The following GLT1D1 variants were observed in gnomAD, a reference collection of about 807,000 sequenced individuals.
GLT1D1 encodes the protein glycosyltransferase 1 domain-containing protein 1.
A neutral mutation model predicts 28.7 loss-of-function variants in GLT1D1; 21 were observed. That is an observed-to-expected ratio of 0.73 (90% CI 0.52 to 1.05). GLT1D1 has a LOEUF of 1.05. GLT1D1 is among the 50% of genes least tolerant of loss of function. The pLI is 0.00. For synonymous variants in GLT1D1, 147 were observed against 124.8 expected (o/e 1.18, Z -1.19); for missense variants, 343 against 330.6 (o/e 1.04, Z -0.29).
rs576547710 is a variant in GLT1D1, at chr12:128,983,270, G to T, written c.*180G>T. On this transcript the variant is annotated 3_prime_UTR_variant, in exon 8 of 8. Transcript: ENST00000281703. The surrounding 1 kb of genome is among the most constrained non-coding windows in gnomAD (Gnocchi z 4.7). Reference sequence around the variant, plus strand: ...GCATTCATCCCATATCCTTCTGTGCGTTCAGATGCTGTCCCAGGCGTGTTC... The same window carrying T: ...GCATTCATCCCATATCCTTCTGTGCTTTCAGATGCTGTCCCAGGCGTGTTC... 1.9e-5 allele frequency: 11 copies of T among 588,508 alleles called. No individual in the cohort carries two copies. Among genetic ancestry groups the T allele is most frequent in the African/African-American group, 1.7e-4 (9 of 53,780 alleles). The allele number at this position is 588,508 out of a possible 1,614,324, so 36.5% of individuals were successfully genotyped here.
At position 128,917,674 on chromosome 12, in the gene GLT1D1, G is replaced by C. The variant is rs570881106; in HGVS notation, c.375+18387G>C. On this transcript the variant is annotated intron_variant, in intron 4 of 7. Coordinates refer to ENST00000281703, the MANE Select transcript of GLT1D1 (RefSeq NM_144669.3). ...ACCCCAAGTCTGTTTTCATGCTAAA[G>C]ACTTGAAACAAGAAGACATACATGC... is the stretch of plus-strand genomic sequence containing the variant. Among the ~76,000 whole-genome samples, 245 of 152,312 alleles carry C rather than the reference G, an allele frequency of 1.6e-3. 11 individuals carry two copies. In the South Asian group the frequency reaches 0.045, roughly 28 times the overall value.
chr12:128,920,021 C>T (rs1179498637), intron 4 of GLT1D1, among the ~76,000 whole-genome samples: 1 of 134,252 alleles, frequency 7.4e-6, no homozygotes, highest in Non-Finnish European at 1.6e-5. Context: ...ATCTCTCTGT[C>T]AACTCTATTT....
intron 4 of GLT1D1, among the ~76,000 whole-genome samples, chr12:128,920,999 A>T (rs920381576): frequency 1.3e-5 from 2 of 152,178 alleles, no homozygotes; most frequent in Non-Finnish European, 2.9e-5. Flanking sequence ...AATTTATACC[A>T]CCTTAAAGCT....
At chr12:128,972,218 G>C (rs149656507) in intron 7 of GLT1D1, among the ~76,000 whole-genome samples, 1 of 152,180 alleles carries the variant, frequency 6.6e-6, no homozygotes, top group Non-Finnish European at 1.5e-5. Context: ...ATTATTTCTC[G>C]CTCTTCTGGA....
At chr12:128,955,948 G>A (rs1274755301) in intron 6 of GLT1D1, among the ~76,000 whole-genome samples, 1 of 151,664 alleles carries the variant, frequency 6.6e-6, no homozygotes, top group Non-Finnish European at 1.5e-5. Flanking sequence ...CCCATCACAA[G>A]TTGAAAATAC....
Position 128,980,989 on chromosome 12 carries a change from C to T in GLT1D1, c.640-1940C>T, listed in dbSNP as rs192425335. ...CACATGGATTTCTCACGTCTACAGG[C>T]GCGTGTCCAGCAGATTCCCGATGCA... On this transcript the variant is annotated intron_variant, in intron 7 of 7. Coordinates refer to ENST00000281703, the MANE Select transcript of GLT1D1 (RefSeq NM_144669.3). 6.8e-4 allele frequency among the ~76,000 whole-genome samples: 103 copies of T among 152,306 alleles called. 1 individual carries two copies. The highest frequency in any genetic ancestry group is 1.2e-3 in the Non-Finnish European group (80 of 68,034).
At chr12:128,957,996 A>G (rs1442066896) in intron 7 of GLT1D1, among the ~76,000 whole-genome samples, 1 of 152,272 alleles carries the variant, frequency 6.6e-6, no homozygotes, top group Non-Finnish European at 1.5e-5. Flanking sequence ...ACGGGCGCCT[A>G]TGCGATCACT....
chr12:128,968,482 C>T (rs1878707715), intron 7 of GLT1D1, among the ~76,000 whole-genome samples: 1 of 146,852 alleles, frequency 6.8e-6, no homozygotes, highest in African/African-American at 2.4e-5. Flanking sequence ...GCCAACATGG[C>T]CAAACCCCAT....
intron 2 of GLT1D1, among the ~76,000 whole-genome samples, chr12:128,876,382 C>T (rs772370591): frequency 3.9e-5 from 6 of 152,150 alleles, no homozygotes; most frequent in African/African-American, 9.7e-5. Context: ...AATCTCGGCT[C>T]GCTGCAACCT....
chr12:128,924,408 C>T (rs1234063662), intron 4 of GLT1D1, among the ~76,000 whole-genome samples: 1 of 145,634 alleles, frequency 6.9e-6, no homozygotes, highest in African/African-American at 2.5e-5. Context: ...GCATAGTTGA[C>T]AGAGTGAGAC....
At chr12:128,886,695 T>C (rs534130373) in intron 2 of GLT1D1, among the ~76,000 whole-genome samples, 37 of 152,140 alleles carry the variant, frequency 2.4e-4, no homozygotes, top group African/African-American at 8.7e-4. Flanking sequence ...ACGACCCCTG[T>C]GGTTATGTTG....
chr12:128,887,377 TG>T (rs1868512803), intron 2 of GLT1D1, among the ~76,000 whole-genome samples: 1 of 152,150 alleles, frequency 6.6e-6, no homozygotes, highest in Non-Finnish European at 1.5e-5. Context: ...TATTATTTTG[TG>T]TACTATCACA....
At chr12:128,932,214 A>C (rs1215411561) in intron 4 of GLT1D1, among the ~76,000 whole-genome samples, 3 of 152,108 alleles carry the variant, frequency 2.0e-5, no homozygotes, top group Non-Finnish European at 4.4e-5. Context: ...CTCCATTTCC[A>C]AGCTAGTCCA....
intron 1 of GLT1D1, among the ~76,000 whole-genome samples, chr12:128,874,112 CTCTCTCTCTCTCTCTT>C (rs1956794798): frequency 8.6e-5 from 5 of 57,806 alleles, no homozygotes; most frequent in African/African-American, 3.4e-4. Flanking sequence ...CTCTCTCTCT[CTCTCTCTCTCTCTCTT>C]TCTTTCTTTC....
intron 2 of GLT1D1, among the ~76,000 whole-genome samples, chr12:128,878,444 A>G (rs543991460): frequency 6.6e-5 from 10 of 152,326 alleles, no homozygotes; most frequent in African/African-American, 2.4e-4. Flanking sequence ...CTCTGTACAG[A>G]CATCATAGCA....
chr12:128,876,218 A>G (rs1163791009), intron 2 of GLT1D1, among the ~76,000 whole-genome samples, 156 bp downstream of exon 2: 1 of 152,212 alleles, frequency 6.6e-6, no homozygotes. Flanking sequence ...TTAATGCACA[A>G]TTTTCTTAAA....
chr12:128,925,585 T>C (rs1373405923), intron 4 of GLT1D1, among the ~76,000 whole-genome samples: 6 of 152,218 alleles, frequency 3.9e-5, no homozygotes, highest in Non-Finnish European at 5.9e-5. Flanking sequence ...CAGTCTATCA[T>C]TGATGGGCGT....
rs1468855716 is a variant in GLT1D1 at position 128,902,694 on chromosome 12, C to A, written c.375+3407C>A. 3.3e-5 allele frequency among the ~76,000 whole-genome samples: 5 copies of A among 151,578 alleles called. No individual in the cohort carries two copies. The East Asian group carries it at 9.7e-4, about 29-fold the overall frequency. ...CCTCAACCAAAACAACATATTGCAA[C>A]AAATTAAATGAAACAGCAAACGTGG... On this transcript the variant is annotated intron_variant, in intron 4 of 7. Coordinates refer to ENST00000281703, the MANE Select transcript of GLT1D1 (RefSeq NM_144669.3).
intron 1 of GLT1D1, among the ~76,000 whole-genome samples, chr12:128,858,524 T>A (rs986212434): frequency 3.3e-5 from 5 of 151,956 alleles, no homozygotes; most frequent in African/African-American, 1.2e-4. Flanking sequence ...ATACCAAAAT[T>A]AGCTGGGCGT....
Sources: allele counts gnomAD v4.1 joint callset (sites outside exome capture counted in the v4.1 genomes callset), GRCh38; gene constraint gnomAD v4.1.1; non-coding constraint Gnocchi (gnomAD v3.1); transcripts MANE v1.5; gene names NCBI Gene and HGNC (gene_info 2026-07-23, HGNC 2026-07-21).